Variants in EYS observed in about 807,000 individuals in gnomAD.
EYS encodes EGF-like photoreceptor maintenance factor.
In EYS, 250 loss-of-function variants were observed where a neutral mutation model predicts 282.1. That is an observed-to-expected ratio of 0.89 (90% confidence interval 0.80 to 0.98). The LOEUF is 0.98. EYS is among the 50% of genes least tolerant of loss of function. EYS has a pLI of 0.00. For missense variants in EYS, 4,016 were observed against 3,709.0 expected (o/e 1.08, Z -2.15); for synonymous variants, 1,355 against 1,282.9 (o/e 1.06, Z -1.20).
intron 29 of EYS, among the ~76,000 whole-genome samples, chr6:64,338,919 T>A (rs1016245633): frequency 2.0e-5 from 3 of 151,836 alleles, no homozygotes; most frequent in African/African-American, 7.3e-5. Flanking sequence ...GCTGAGATAA[T>A]TGGCTAGCCA....
intron 35 of EYS, among the ~76,000 whole-genome samples, chr6:63,887,194 G>C (rs1773281264): frequency 6.6e-6 from 1 of 151,888 alleles, no homozygotes; most frequent in Non-Finnish European, 1.5e-5. Context: ...TTTCTCCAGG[G>C]ACATGCTACA....
At chr6:65,005,579 G>A (rs1285761545) in intron 13 of EYS, among the ~76,000 whole-genome samples, 1 of 147,522 alleles carries the variant, frequency 6.8e-6, no homozygotes, top group Non-Finnish European at 1.5e-5. Flanking sequence ...CTTAGAACTG[G>A]AGGAAAATAC....
chr6:65,657,681 G>A lies in EYS; in HGVS notation c.-447-17789C>T, dbSNP rs141929589. 1.3e-4 allele frequency among the ~76,000 whole-genome samples: 19 copies of A among 151,968 alleles called. No homozygotes were observed. In the East Asian group the frequency reaches 2.5e-3, roughly 20 times the overall value. On this transcript the variant is annotated intron_variant, in intron 1 of 42. Coordinates refer to ENST00000503581, the MANE Select transcript of EYS (RefSeq NM_001142800.2). ...TCCTGGTGAAGATGCTGTGAACAGC[G>A]TTGAAATAACAGGGATTTAGCATAT...
chr6:63,889,612 C>T (rs12209383), intron 35 of EYS, among the ~76,000 whole-genome samples: 1 of 152,090 alleles, frequency 6.6e-6, no homozygotes. Flanking sequence ...ACAAGAGCTC[C>T]TGAAGAAAGC....
Position 64,593,219 on chromosome 6 carries a change from G to A in EYS, c.3775C>T (p.Gln1259Ter), listed in dbSNP as rs1291867456. Residue 1259 changes from glutamine (Q) to a stop codon, truncating the protein, a stop_gained, in exon 25 of 43, where the codon CAG becomes TAG. Coordinates refer to ENST00000503581, the MANE Select transcript of EYS (RefSeq NM_001142800.2). LOFTEE classifies it high-confidence loss of function. ...IFQRTDPIST[Q>*]TYTIPPSETL... ...TCAGAAGGGGGAATTGTATATGTCT[G>A]TGTGGAAATGGGATCTGTTCTTTGA... 3.1e-5 allele frequency: 48 copies of A among 1,550,402 alleles called. No homozygotes were observed. The highest frequency in any genetic ancestry group is 4.1e-5 in the Non-Finnish European group (47 of 1,146,308).
chr6:65,417,278 A>G (rs924776635), intron 5 of EYS, among the ~76,000 whole-genome samples: 1 of 152,018 alleles, frequency 6.6e-6, no homozygotes, highest in African/African-American at 2.4e-5. Flanking sequence ...CAGAGAATTA[A>G]CCTCCAAAAA....
Position 64,143,465 on chromosome 6 carries a change from A to G in EYS, c.6425-61463T>C, listed in dbSNP as rs1311300784. 2.6e-5 allele frequency among the ~76,000 whole-genome samples: 4 copies of G among 151,446 alleles called. 1 individual carries two copies. Among genetic ancestry groups the G allele is most frequent in the Non-Finnish European group, 4.4e-5 (3 of 67,912 alleles). ...GAAGTACATAGGAAGAACTCTTTATATTTTGCATTCAATTTTTCTGTAACC... is the reference window on the plus strand; with the variant it reads ...GAAGTACATAGGAAGAACTCTTTATGTTTTGCATTCAATTTTTCTGTAACC... On this transcript the variant is annotated intron_variant, in intron 31 of 42. Transcript: ENST00000503581.
At chr6:64,449,389 C>A (rs1050977337) in intron 26 of EYS, among the ~76,000 whole-genome samples, 14 of 152,114 alleles carry the variant, frequency 9.2e-5, no homozygotes, top group Admixed American at 6.5e-4. Context: ...ATTGGTGTAC[C>A]TGAAAGTGAC....
chr6:64,178,785 T>C (rs1316618130), intron 31 of EYS, among the ~76,000 whole-genome samples: 1 of 152,072 alleles, frequency 6.6e-6, no homozygotes, highest in Non-Finnish European at 1.5e-5. Flanking sequence ...TATAATCCCT[T>C]ACTCCTGACA....
chr6:64,523,052 T>A (rs60128187), intron 26 of EYS, among the ~76,000 whole-genome samples: 6 of 148,626 alleles, frequency 4.0e-5, no homozygotes, highest in African/African-American at 1.6e-4. Flanking sequence ...ATGAGCTGTT[T>A]TTTTTTTCCC....
At chr6:65,311,386 A>G (rs1055434522) in intron 11 of EYS, among the ~76,000 whole-genome samples, 5 of 152,164 alleles carry the variant, frequency 3.3e-5, no homozygotes, top group Non-Finnish European at 4.4e-5. Context: ...TGCTTTATGC[A>G]TATTTGACCA....
intron 6 of EYS, 131 bp from the exon 7 acceptor site, chr6:65,402,736 G>A: frequency 1.7e-6 from 1 of 598,416 alleles, no homozygotes. Context: ...TCAGCAATGT[G>A]GCAGATTCTA....
intron 33 of EYS, among the ~76,000 whole-genome samples, chr6:64,034,316 A>G (rs998386825): frequency 2.6e-5 from 4 of 152,212 alleles, no homozygotes; most frequent in African/African-American, 9.6e-5. Flanking sequence ...GCCAGAGACC[A>G]AGTACTTTTA....
At chr6:64,275,559 T>A (rs1562283065) in intron 30 of EYS, among the ~76,000 whole-genome samples, 1 of 151,286 alleles carries the variant, frequency 6.6e-6, no homozygotes, top group Non-Finnish European at 1.5e-5. Context: ...TGGGACTATG[T>A]GCGCCTGCCA....
chr6:63,967,586 A>G (rs1214602932), intron 35 of EYS, among the ~76,000 whole-genome samples: 1 of 152,218 alleles, frequency 6.6e-6, no homozygotes, highest in Non-Finnish European at 1.5e-5. Flanking sequence ...AGTGACGATA[A>G]GCAAGTTTGG....
intron 2 of EYS, among the ~76,000 whole-genome samples, chr6:65,497,569 G>A (rs1176378125): frequency 6.6e-6 from 1 of 151,964 alleles, no homozygotes; most frequent in African/African-American, 2.4e-5. Flanking sequence ...TTTAGGAAGA[G>A]ATTATATCAA....
At chr6:63,744,742 G>GT (rs1490512486) in intron 41 of EYS, 4 of 173,506 alleles carry the variant, frequency 2.3e-5, no homozygotes, top group Non-Finnish European at 4.9e-5. Flanking sequence ...TAATTTTTGT[G>GT]TTTTTAGTAG....
chr6:64,909,435 T>C, intron 16 of EYS, among the ~76,000 whole-genome samples: 1 of 152,204 alleles, frequency 6.6e-6, no homozygotes, highest in East Asian at 1.9e-4. Flanking sequence ...TGTGCCTTCC[T>C]ATGTGTTATT....
chr6:65,510,695 A>G (rs952449353), intron 2 of EYS, among the ~76,000 whole-genome samples: 2 of 152,088 alleles, frequency 1.3e-5, no homozygotes, highest in Admixed American at 1.3e-4. Flanking sequence ...ACAAATCCTT[A>G]TCTCTATTGT....
Sources: allele counts gnomAD v4.1 joint callset (sites outside exome capture counted in the v4.1 genomes callset), GRCh38; gene constraint gnomAD v4.1.1; transcripts MANE v1.5; gene names NCBI Gene and HGNC (gene_info 2026-07-23, HGNC 2026-07-21).